FASTKD5: variants seen among roughly 807,000 people sequenced by gnomAD.
FASTKD5 encodes the protein non-canonical pre-mRNAs endonuclease FASTKD5, mitochondrial.
A neutral mutation model predicts 44.0 loss-of-function variants in FASTKD5; 30 were observed. The ratio of observed to expected loss-of-function variants is 0.68; its 90% CI spans 0.51 to 0.93. FASTKD5 has a LOEUF of 0.93. Ranked by LOEUF, FASTKD5 falls within the 40% of genes least tolerant of loss-of-function variation. The pLI is 0.00. For missense variants in FASTKD5, 868 were observed against 908.2 expected, an observed-to-expected ratio of 0.96 and a Z score of 0.57; for synonymous variants, 335 against 342.2, an observed-to-expected ratio of 0.98 and a Z score of 0.23.
chr20:3,158,895 T>G (rs990221634), intron 1 of FASTKD5, among the ~76,000 whole-genome samples: 1 of 152,204 alleles, frequency 6.6e-6, no homozygotes. Flanking sequence ...ATTCACAAAG[T>G]GTAGAAAACG....
Sources: allele counts gnomAD v4.1 joint callset (sites outside exome capture counted in the v4.1 genomes callset), GRCh38; gene constraint gnomAD v4.1.1; transcripts MANE v1.5; gene names NCBI Gene and HGNC (gene_info 2026-07-23, HGNC 2026-07-21).